The following ATRNL1 variants were observed in gnomAD, a reference collection of about 807,000 sequenced individuals.
The protein encoded by ATRNL1 is attractin like 1, also known as attractin-like protein 1.
Under a neutral mutation model 182.7 loss-of-function variants are expected in ATRNL1, and 95 were observed. The ratio of observed to expected loss-of-function variants is 0.52; its 90% CI spans 0.44 to 0.62. The LOEUF is 0.62. Ranked by LOEUF, ATRNL1 falls within the 20% of genes least tolerant of loss-of-function variation. The probability of loss-of-function intolerance (pLI) is 0.00; values close to 1 mark genes in which losing one functional copy is unlikely to be tolerated. For synonymous variants in ATRNL1, 576 were observed against 568.3 expected (o/e 1.01, Z -0.19); for missense variants, 1,471 against 1,679.5 (o/e 0.88, Z 2.17).
At chr10:115,692,446 C>T (rs941660769) in intron 26 of ATRNL1, among the ~76,000 whole-genome samples, 93 of 152,252 alleles carry the variant, frequency 6.1e-4, no homozygotes, top group Non-Finnish European at 7.6e-4. Context: ...AAAGCATATA[C>T]TGTTCTAGGT....
At chr10:115,810,155 A>G (rs12256657) in intron 27 of ATRNL1, among the ~76,000 whole-genome samples, 1,783 of 152,054 alleles carry the variant, frequency 0.012, 30 homozygotes, top group African/African-American at 0.037. Flanking sequence ...TTGTCATGAC[A>G]TATGTTTTTT....
rs188364296 is a variant in ATRNL1 at position 115,736,601 on chromosome 10, T to A, written c.3903+9246T>A. Among the ~76,000 whole-genome samples, 3 of 152,260 alleles carry A rather than the reference T, an allele frequency of 2.0e-5. No homozygotes were observed. In the East Asian group the frequency reaches 5.8e-4, roughly 29 times the overall value. ...TTCCTTGTGTATTTGGTGATCTTTA[T>A]GAGCTCTTATATGATCTTAGTTTGT... On this transcript the variant is annotated intron_variant, in intron 27 of 28. Coordinates refer to ENST00000355044, the MANE Select transcript of ATRNL1 (RefSeq NM_207303.4).
chr10:115,577,084 T>C (rs1555005484), intron 26 of ATRNL1, among the ~76,000 whole-genome samples: 1 of 151,944 alleles, frequency 6.6e-6, no homozygotes. Context: ...TCGGTTCTAT[T>C]GGTCTATGTG....
chr10:115,590,645 A>G (rs1341837206), intron 26 of ATRNL1, among the ~76,000 whole-genome samples: 2 of 152,166 alleles, frequency 1.3e-5, no homozygotes, highest in African/African-American at 4.8e-5. Flanking sequence ...TGCCTCCTCC[A>G]GGAAGAAACT....
chr10:115,543,349 G>C (rs113543557), intron 25 of ATRNL1, among the ~76,000 whole-genome samples: 2,373 of 152,058 alleles, frequency 0.016, 34 homozygotes, highest in Middle Eastern at 0.024. Context: ...TGCATTTTAA[G>C]TTAGAAGTGT....
At chr10:115,704,255 G>T (rs543413818) in intron 26 of ATRNL1, among the ~76,000 whole-genome samples, 243 of 151,924 alleles carry the variant, frequency 1.6e-3, no homozygotes, top group Middle Eastern at 3.4e-3. Context: ...TTCTTGACTT[G>T]TAAGTGCATC....
intron 27 of ATRNL1, among the ~76,000 whole-genome samples, chr10:115,841,814 G>A (rs77177735): frequency 0.035 from 5,360 of 152,026 alleles, 270 homozygotes; most frequent in African/African-American, 0.11. Flanking sequence ...CGGAGAATCT[G>A]TTTTTGAAAT....
chr10:115,721,181 G>T (rs1392343733), intron 26 of ATRNL1, among the ~76,000 whole-genome samples: 1 of 152,150 alleles, frequency 6.6e-6, no homozygotes, highest in Non-Finnish European at 1.5e-5. Context: ...TGGAGATTGT[G>T]TCTTGGTCAT....
intron 5 of ATRNL1, among the ~76,000 whole-genome samples, chr10:115,134,940 G>T (rs1412879821): frequency 6.6e-6 from 1 of 152,056 alleles, no homozygotes; most frequent in Non-Finnish European, 1.5e-5. Flanking sequence ...AAAACCACAT[G>T]ATTATCTCAA....
Position 115,873,952 on chromosome 10 carries a change from A to G in ATRNL1, c.4018+25961A>G, listed in dbSNP as rs139893841. Among the ~76,000 whole-genome samples, 590 of 152,334 alleles carry G rather than the reference A, an allele frequency of 3.9e-3. 3 individuals are homozygous for G. Among genetic ancestry groups the G allele is most frequent in the African/African-American group, 0.013 (561 of 41,576 alleles). ...ATGCAAATAACTGCTGGAATGGCTA[A>G]TGACAAGGTTCTGGAAATGTACTAG... On this transcript the variant is annotated intron_variant, in intron 28 of 28. Coordinates refer to ENST00000355044, the MANE Select transcript of ATRNL1 (RefSeq NM_207303.4).
At chr10:115,104,923 T>TA (rs1843935724) in intron 1 of ATRNL1, among the ~76,000 whole-genome samples, 3 of 151,976 alleles carry the variant, frequency 2.0e-5, no homozygotes, top group African/African-American at 7.2e-5. Context: ...TCTCTTTTTT[T>TA]AATGCCAGTA....
At chr10:115,535,316 C>CT (rs1851907376) in intron 25 of ATRNL1, among the ~76,000 whole-genome samples, 2 of 152,064 alleles carry the variant, frequency 1.3e-5, no homozygotes, top group South Asian at 4.2e-4. Context: ...TCTTTTTATT[C>CT]TTTTTTCTCT....
chr10:115,527,601 A>C (rs1283999827), intron 25 of ATRNL1, among the ~76,000 whole-genome samples: 1 of 152,144 alleles, frequency 6.6e-6, no homozygotes, highest in East Asian at 1.9e-4. Flanking sequence ...ATTTGTGTCT[A>C]TGGAGGTTTT....
chr10:115,444,880 C>T (rs950165696), intron 21 of ATRNL1, among the ~76,000 whole-genome samples: 9 of 151,356 alleles, frequency 5.9e-5, no homozygotes, highest in East Asian at 2.0e-4. Flanking sequence ...TACAGGTGTG[C>T]GCCACCACGC....
At chr10:115,662,352 C>A (rs557086087) in intron 26 of ATRNL1, among the ~76,000 whole-genome samples, 158 of 152,238 alleles carry the variant, frequency 1.0e-3, no homozygotes, top group Non-Finnish European at 1.8e-3. Flanking sequence ...AACACTTTTA[C>A]ACTGTTGGTG....
intron 9 of ATRNL1, among the ~76,000 whole-genome samples, chr10:115,232,840 T>A (rs1850015248): frequency 6.6e-6 from 1 of 152,118 alleles, no homozygotes. Flanking sequence ...TTTTATATGC[T>A]TTTCTAGGTG....
intron 5 of ATRNL1, among the ~76,000 whole-genome samples, chr10:115,134,770 A>G (rs1314070587): frequency 1.3e-5 from 2 of 152,204 alleles, no homozygotes; most frequent in Non-Finnish European, 2.9e-5. Context: ...GATGAACATC[A>G]ATGCAAAAAT....
intron 12 of ATRNL1, 30 bp from the exon 13 acceptor site, chr10:115,268,296 C>A: frequency 2.4e-6 from 3 of 1,251,600 alleles, no homozygotes; most frequent in Non-Finnish European, 3.5e-6. Flanking sequence ...CTTTTCCGTG[C>A]TGATATATCG....
chr10:115,453,699 A>C (rs1208061607), intron 21 of ATRNL1, among the ~76,000 whole-genome samples: 1 of 148,614 alleles, frequency 6.7e-6, no homozygotes, highest in South Asian at 2.1e-4. Flanking sequence ...TCGCGAGGAC[A>C]AAAAACCAAA....
Sources: gnomAD v4.1 joint callset for allele counts (sites outside exome capture counted in the v4.1 genomes callset) on GRCh38, gnomAD v4.1.1 for gene constraint, MANE v1.5 for transcripts, NCBI Gene and HGNC (gene_info 2026-07-23, HGNC 2026-07-21) for gene names.